Variants in THOP1 observed in about 807,000 individuals in gnomAD.
THOP1 encodes thimet oligopeptidase 1.
A neutral mutation model predicts 71.8 loss-of-function variants in THOP1; 49 were observed. The ratio of observed to expected loss-of-function variants is 0.68; its 90% CI spans 0.54 to 0.87. The LOEUF (loss-of-function observed/expected upper bound fraction) is 0.87, where lower values mean the gene tolerates loss of function less well. THOP1 is among the 40% of genes least tolerant of loss of function. The pLI is 0.00. For missense variants in THOP1, 843 were observed against 975.6 expected (o/e 0.86, Z 1.81); for synonymous variants, 426 against 421.5 (o/e 1.01, Z -0.13).
intron 1 of THOP1, among the ~76,000 whole-genome samples, chr19:2,787,266 C>T (rs1032540805): frequency 3.3e-5 from 5 of 152,194 alleles, no homozygotes; most frequent in African/African-American, 1.2e-4. Context: ...TTCTCTTGCC[C>T]AGCCACACTC....
intron 8 of THOP1, 62 bp downstream of exon 8, chr19:2,807,870 G>A (rs1916347951): frequency 9.9e-6 from 14 of 1,414,992 alleles, no homozygotes; most frequent in South Asian, 1.5e-5. Flanking sequence ...GGAGCCCGGT[G>A]TGCCCGTCTG....
At chr19:2,811,378 G>A (rs1916456975) in intron 11 of THOP1, among the ~76,000 whole-genome samples, 2 of 152,220 alleles carry the variant, frequency 1.3e-5, no homozygotes, top group African/African-American at 4.8e-5. Context: ...CCCGTTAAAT[G>A]AGCTCCTGTC....
In THOP1 at chr19:2,815,700, A is replaced by C. The variant is rs1240809235; in HGVS notation, c.*2424A>C. ...AGGGCTCCAGCAGTGGGCTCAGAGGACAGTGTGGCATTAGCATCCCCTGCC... is the reference window on the plus strand; with the variant it reads ...AGGGCTCCAGCAGTGGGCTCAGAGGCCAGTGTGGCATTAGCATCCCCTGCC... On this transcript the variant is annotated 3_prime_UTR_variant, in exon 13 of 13. Transcript: ENST00000307741. The C allele has an allele frequency of 6.6e-6, 1 of 152,160 alleles. No homozygotes were observed. Among genetic ancestry groups the C allele is most frequent in the African/African-American group, 2.4e-5 (1 of 41,426 alleles). The allele number at this position is 152,160 out of a possible 1,614,324, so 9.4% of individuals were successfully genotyped here.
At chr19:2,808,134 A>T in intron 8 of THOP1, 109 bp from the exon 9 acceptor site, 1 of 1,264,090 alleles carries the variant, frequency 7.9e-7, no homozygotes, top group Non-Finnish European at 1.1e-6. Context: ...AGAACCTCAG[A>T]GGTGCCCGGC....
Position 2,808,325 on chromosome 19 carries a change from G to A in THOP1, c.1336G>A (p.Ala446Thr), listed in dbSNP as rs772131341. The change falls in exon 9 of 13, where the codon GCG (alanine) becomes ACG (threonine). Residue 446 changes from alanine to threonine, a missense_variant. Coordinates refer to ENST00000307741, the MANE Select transcript of THOP1 (RefSeq NM_003249.5). ...GGATGGGAGCCGCCAGATCGCCATC[G>A]CGGCCATGGTGGCCAACTTCACCAA... ...RQDGSRQIAI[A>T]AMVANFTKPT... 9.4e-6 allele frequency: 15 copies of A among 1,596,132 alleles called. No individual in the cohort carries two copies. Among genetic ancestry groups the A allele is most frequent in the Admixed American group, 1.7e-5 (1 of 57,826 alleles).
In THOP1 at chr19:2,804,404, A is replaced by AG. The variant is rs1410433360; in HGVS notation, c.590-612_590-611insG. 6.6e-6 allele frequency among the ~76,000 whole-genome samples: 1 copy of AG among 152,078 alleles called. No individual in the cohort carries two copies. Among genetic ancestry groups the AG allele is most frequent in the African/African-American group, 2.4e-5 (1 of 41,396 alleles). ...GGGTCTCTCTGGAGGGACACACTTGAAAGTGGTTGAGCCGTGGGGCTGCGT... is the reference window on the plus strand; with the variant it reads ...GGGTCTCTCTGGAGGGACACACTTGAGAAGTGGTTGAGCCGTGGGGCTGCGT... On this transcript the variant is annotated intron_variant, in intron 5 of 12. Transcript: ENST00000307741. The surrounding 1 kb of genome is among the most constrained non-coding windows in gnomAD (Gnocchi z 4.7).
At chr19:2,788,587 T>A (rs1175178424) in intron 1 of THOP1, among the ~76,000 whole-genome samples, 1 of 152,232 alleles carries the variant, frequency 6.6e-6, no homozygotes, top group African/African-American at 2.4e-5. Context: ...CAAGCGGTTC[T>A]CCTGCCTCAG....
rs150526087 is a variant in THOP1 at position 2,807,734 on chromosome 19, C to T, written c.1179C>T (p.Asp393=). 5.6e-5 allele frequency: 89 copies of T among 1,591,816 alleles called. 1 individual carries two copies. Among genetic ancestry groups the T allele is most frequent in the Middle Eastern group, 1.7e-4 (1 of 5,978 alleles). ...HEEGASAWHE[D]VRLYTARDAA... is the part of the protein sequence containing the mutation. ...AGGGCGCCAGTGCCTGGCATGAGGA[C>T]GTGCGGCTCTACACCGCGAGGGACG... The change falls in exon 8 of 13, where the codon GAC becomes GAT. Residue 393 remains aspartate (D), a synonymous_variant. Coordinates refer to ENST00000307741, the MANE Select transcript of THOP1 (RefSeq NM_003249.5).
At chr19:2,803,557 C>T (rs1916210386) in intron 5 of THOP1, among the ~76,000 whole-genome samples, 1 of 152,228 alleles carries the variant, frequency 6.6e-6, no homozygotes, top group Non-Finnish European at 1.5e-5. Flanking sequence ...AGCTGTCTCC[C>T]TTGCTGTCCT....
chr19:2,790,774 C>G, intron 2 of THOP1, 141 bp downstream of exon 2: 1 of 718,414 alleles, frequency 1.4e-6, no homozygotes, highest in Non-Finnish European at 2.1e-6. Flanking sequence ...CACAGGGCAG[C>G]GCCACCTGCT....
chr19:2,812,339 G>A, intron 12 of THOP1: 2 of 1,533,678 alleles, frequency 1.3e-6, no homozygotes, highest in Non-Finnish European at 1.7e-6. Context: ...GCCCTGCCCT[G>A]CCTGGGTGCA....
rs1487106261 is a variant in THOP1, at chr19:2,794,770, G to A, written c.236G>A (p.Arg79Lys). 2 of 1,613,144 alleles carry A rather than the reference G, an allele frequency of 1.2e-6. No individual in the cohort carries two copies. The highest frequency in any genetic ancestry group is 1.3e-5 in the African/African-American group (1 of 74,880). Reference sequence around the variant, plus strand: ...CTGGTCTCCCCTGTTTTAGTTCAGAGGAATATCCTTGACTTCCCCCAGCAT... The same window carrying A: ...CTGGTCTCCCCTGTTTTAGTTCAGAAGAATATCCTTGACTTCCCCCAGCAT... ...ADVEVTYTVQ[R>K]NILDFPQHVS... The change falls in exon 3 of 13, where the codon AGG becomes AAG. Residue 79 changes from arginine to lysine, a missense_variant. Physicochemically the swap from Arg to Lys is conservative, Grantham distance 26. Coordinates refer to ENST00000307741, the MANE Select transcript of THOP1 (RefSeq NM_003249.5).
At position 2,794,861 on chromosome 19, in the gene THOP1, C is replaced by T. The variant is rs375594917; in HGVS notation, c.327C>T (p.Asp109=). Residue 109 remains aspartate, a synonymous_variant, in exon 3 of 13, where the codon GAC becomes GAT. Coordinates refer to ENST00000307741, the MANE Select transcript of THOP1 (RefSeq NM_003249.5). ...TEADKKLSEF[D]VEMSMREDVY... The stretch of plus-strand genomic sequence containing the variant: ...CCGACAAGAAGCTCTCTGAGTTCGA[C>T]GTGGAGATGAGCATGAGGGAGGACG... 8.7e-6 allele frequency: 14 copies of T among 1,613,846 alleles called. No homozygotes were observed. Among genetic ancestry groups the T allele is most frequent in the East Asian group, 4.5e-5 (2 of 44,896 alleles).
intron 1 of THOP1, 86 bp from the exon 2 acceptor site, chr19:2,790,335 C>A: frequency 7.8e-7 from 1 of 1,279,096 alleles, no homozygotes; most frequent in Non-Finnish European, 1.1e-6. Flanking sequence ...AGCGGGTGAT[C>A]CCTTCCTTTC....
At chr19:2,808,866 C>T (rs574955592) in intron 9 of THOP1, among the ~76,000 whole-genome samples, 3 of 152,192 alleles carry the variant, frequency 2.0e-5, no homozygotes, top group Middle Eastern at 3.2e-3. Context: ...CTCACTTGAC[C>T]GTAGTGACCT....
intron 2 of THOP1, among the ~76,000 whole-genome samples, chr19:2,793,729 T>C (rs1199168566): frequency 1.3e-5 from 2 of 152,160 alleles, no homozygotes; most frequent in Non-Finnish European, 1.5e-5. Context: ...GTGACTTTTG[T>C]GTCTGGCTTC....
chr19:2,802,772 C>T (rs1410287639), intron 5 of THOP1, among the ~76,000 whole-genome samples: 2 of 152,216 alleles, frequency 1.3e-5, no homozygotes, highest in African/African-American at 4.8e-5. Context: ...CATCAGTCAT[C>T]CTGCCGTGAC....
chr19:2,788,273 T>G (rs1445584605), intron 1 of THOP1, among the ~76,000 whole-genome samples: 1 of 152,156 alleles, frequency 6.6e-6, no homozygotes, highest in Non-Finnish European at 1.5e-5. Flanking sequence ...CTGGCAGAGG[T>G]GGGGTCCGCA....
At chr19:2,791,781 G>T (rs915734502) in intron 2 of THOP1, among the ~76,000 whole-genome samples, 2 of 152,112 alleles carry the variant, frequency 1.3e-5, no homozygotes, top group Non-Finnish European at 2.9e-5. Flanking sequence ...CCTTCACATG[G>T]TGGCGAGACT....
Sources: allele counts gnomAD v4.1 joint callset (sites outside exome capture counted in the v4.1 genomes callset), GRCh38; gene constraint gnomAD v4.1.1; non-coding constraint Gnocchi (gnomAD v3.1); transcripts MANE v1.5; gene names NCBI Gene and HGNC (gene_info 2026-07-23, HGNC 2026-07-21).